The following CILK1 variants were observed in gnomAD, a reference collection of about 807,000 sequenced individuals.
CILK1 encodes the protein ciliogenesis associated kinase 1.
A neutral mutation model predicts 79.2 loss-of-function variants in CILK1; 47 were observed. The observed-to-expected ratio is 0.59, with a 90% CI of 0.47 to 0.76. The LOEUF is 0.76. Among genes scored for constraint, CILK1 ranks in the 30% least tolerant of loss-of-function variants. CILK1 has a pLI of 0.00. For synonymous variants in CILK1, 266 were observed against 275.9 expected (o/e 0.96, Z 0.36); for missense variants, 660 against 769.5 (o/e 0.86, Z 1.68).
intron 1 of CILK1, chr6:53,057,671 G>A (rs1768014500): frequency 6.6e-6 from 1 of 152,100 alleles, no homozygotes. Context: ...TATGTTCAAA[G>A]CCTAATGTTG....
intron 7 of CILK1, among the ~76,000 whole-genome samples, chr6:53,017,679 CA>C (rs1293095509): frequency 1.3e-5 from 2 of 152,140 alleles, no homozygotes; most frequent in Non-Finnish European, 2.9e-5. Flanking sequence ...ACATTAGACA[CA>C]GGGGGGTGAC....
intron 3 of CILK1, among the ~76,000 whole-genome samples, chr6:53,036,509 G>A (rs1024206822): frequency 1.3e-5 from 2 of 152,172 alleles, no homozygotes; most frequent in African/African-American, 2.4e-5. Context: ...TCCACTTCCC[G>A]GGTTCCAGCG....
chr6:53,059,677 G>A (rs1037786390), intron 1 of CILK1, among the ~76,000 whole-genome samples: 1 of 152,182 alleles, frequency 6.6e-6, no homozygotes, highest in Non-Finnish European at 1.5e-5. Flanking sequence ...AATGAAAAGA[G>A]GATTTTAGAT....
intron 12 of CILK1, 71 bp from the exon 13 acceptor site, chr6:53,006,508 A>G: frequency 6.6e-7 from 1 of 1,520,684 alleles, no homozygotes; most frequent in South Asian, 1.1e-5. Context: ...GTTAAATGAC[A>G]GCACTGCAGA....
At chr6:53,036,995 AGACT>A (rs1174275684) in intron 3 of CILK1, among the ~76,000 whole-genome samples, 2 of 152,228 alleles carry the variant, frequency 1.3e-5, no homozygotes, top group African/African-American at 2.4e-5. Flanking sequence ...GAAGCATAAA[AGACT>A]GACTATCTGG....
rs550651378 is a variant in CILK1 at position 53,021,796 on chromosome 6, T to TAA, written c.359-2439_359-2438dup. 4.4e-4 allele frequency among the ~76,000 whole-genome samples: 60 copies of TAA among 136,362 alleles called. 1 individual carries two copies. The highest frequency in any genetic ancestry group is 9.3e-4 in the African/African-American group (35 of 37,606). The allele number at this position is 136,362 out of a possible 152,430, so 89.5% of individuals were successfully genotyped here. ...TTAGAATTGTACTCCTTCTACTTAC[T>TAA]AAAAAAAAAAAAAAAGTTAACTGTA... On this transcript the variant is annotated intron_variant, in intron 5 of 13. Coordinates refer to ENST00000676107, the MANE Select transcript of CILK1 (RefSeq NM_014920.5).
rs374142645 is a variant in CILK1 at position 53,020,434 on chromosome 6, A to G, written c.359-1075T>C. On this transcript the variant is annotated intron_variant, in intron 5 of 13. Transcript: ENST00000676107. ...CTGCTGATGCTATTATTTGTTACACATTATCATTGCTATCATTACAGGCTG... is the reference window on the plus strand; with the variant it reads ...CTGCTGATGCTATTATTTGTTACACGTTATCATTGCTATCATTACAGGCTG... Among the ~76,000 whole-genome samples the G allele has an allele frequency of 7.2e-5, 11 of 152,346 alleles. No individual in the cohort carries two copies. The East Asian group carries it at 1.7e-3, about 24-fold the overall frequency.
chr6:53,037,944 C>T lies in CILK1; in HGVS notation c.151G>A (p.Val51Ile). The T allele has an allele frequency of 6.4e-7, 1 of 1,568,528 alleles. No individual in the cohort carries two copies. Among genetic ancestry groups the T allele is most frequent in the Non-Finnish European group, 8.8e-7 (1 of 1,138,736 alleles). ...SWEECMNLRE[V>I]KSLKKLNHAN... Reference sequence around the variant, plus strand: ...CTTGGTATATTAATATATACCTTAACCTCCCGAAGGTTCATGCATTCCTCC... The same window carrying T: ...CTTGGTATATTAATATATACCTTAATCTCCCGAAGGTTCATGCATTCCTCC... Residue 51 changes from valine to isoleucine, a missense_variant, in exon 3 of 14, where the codon GTT becomes ATT. Coordinates refer to ENST00000676107, the MANE Select transcript of CILK1 (RefSeq NM_014920.5).
intron 5 of CILK1, 137 bp downstream of exon 5, chr6:53,030,928 T>C: frequency 1.5e-6 from 1 of 678,222 alleles, no homozygotes; most frequent in South Asian, 1.6e-5. Flanking sequence ...TAATATATTT[T>C]AAAATCCATT....
At position 53,009,358 on chromosome 6, in the gene CILK1, G is replaced by A. The variant is rs180846020; in HGVS notation, c.1621+81C>T. The A allele has an allele frequency of 8.1e-4, 1,122 of 1,388,138 alleles. 6 individuals carry two copies. Among genetic ancestry groups the A allele is most frequent in the Non-Finnish European group, 3.7e-4 (360 of 975,252 alleles). The allele number at this position is 1,388,138 out of a possible 1,614,324, so 86.0% of individuals were successfully genotyped here. ...AAAGGCCCCTGTGCTTCCAAAGCCC[G>A]TCCCATGACTCCTTGTGCCCACCTT... On this transcript the variant is annotated intron_variant, in intron 12 of 13. Coordinates refer to ENST00000676107, the MANE Select transcript of CILK1 (RefSeq NM_014920.5).
At chr6:53,009,675 T>C in intron 11 of CILK1, 108 bp from the exon 12 acceptor site, 2 of 963,130 alleles carry the variant, frequency 2.1e-6, no homozygotes, top group Admixed American at 2.1e-5. Context: ...CTCTCTATGA[T>C]ACAATAATCA....
chr6:53,056,660 G>T (rs1197203428), intron 1 of CILK1, among the ~76,000 whole-genome samples: 1 of 152,210 alleles, frequency 6.6e-6, no homozygotes, highest in Admixed American at 6.5e-5. Flanking sequence ...TGTGAGGTCA[G>T]AAACGTTGCA....
chr6:53,014,764 T>C (rs775509471), intron 8 of CILK1, among the ~76,000 whole-genome samples: 30 of 152,252 alleles, frequency 2.0e-4, no homozygotes, highest in Middle Eastern at 3.2e-3. Flanking sequence ...CTTGAAAGCC[T>C]TCTCTGTAGT....
At position 53,053,449 on chromosome 6, in the gene CILK1, G is replaced by A. The variant is rs1435721446; in HGVS notation, c.-173+8147C>T. Among the ~76,000 whole-genome samples, 4 of 152,162 alleles carry A rather than the reference G, an allele frequency of 2.6e-5. No individual in the cohort carries two copies. The East Asian group carries it at 7.7e-4, about 29-fold the overall frequency. ...TAGTATGTGCATAGTACTATTATAA[G>A]TGCTTATGCATATATTAGTACATTT... On this transcript the variant is annotated intron_variant, in intron 1 of 13. Transcript: ENST00000676107.
At chr6:53,045,647 CA>C (rs1005170131) in intron 1 of CILK1, among the ~76,000 whole-genome samples, 20 of 152,186 alleles carry the variant, frequency 1.3e-4, no homozygotes, top group African/African-American at 4.8e-4. Flanking sequence ...GTATTTTTGA[CA>C]ATGATTTTTT....
chr6:53,012,353 G>C (rs1191008310), intron 9 of CILK1, 126 bp from the exon 10 acceptor site: 5 of 807,856 alleles, frequency 6.2e-6, no homozygotes, highest in Non-Finnish European at 1.0e-5. Flanking sequence ...TTGCTTATCT[G>C]AAGGGGCAAC....
intron 1 of CILK1, among the ~76,000 whole-genome samples, chr6:53,045,921 T>C (rs222450): frequency 0.83 from 126,121 of 152,048 alleles, 52,405 homozygotes; most frequent in East Asian, 0.93. Flanking sequence ...GGGAAGTCAA[T>C]TAAAGTTTTG....
rs2127452037 is a variant in CILK1, at chr6:53,041,054, A to G, written c.101+82T>C. 4.3e-6 allele frequency: 4 copies of G among 926,218 alleles called. No individual in the cohort carries two copies. The East Asian group carries it at 9.6e-5, about 22-fold the overall frequency. The allele number at this position is 926,218 out of a possible 1,614,324, so 57.4% of individuals were successfully genotyped here. A position where few individuals can be genotyped will look rare whatever the true frequency, so the allele number is the denominator to read the frequency against. On this transcript the variant is annotated intron_variant, in intron 2 of 13. Coordinates refer to ENST00000676107, the MANE Select transcript of CILK1 (RefSeq NM_014920.5). Reference sequence around the variant, plus strand: ...AGGTTCTTCTCTAGGCATCCTACCCACTCCCCTTTAGAACTGTTACAAAGA... The same window carrying G: ...AGGTTCTTCTCTAGGCATCCTACCCGCTCCCCTTTAGAACTGTTACAAAGA...
At chr6:53,012,360 C>G (rs1764625980) in intron 9 of CILK1, 133 bp from the exon 10 acceptor site, 2 of 775,986 alleles carry the variant, frequency 2.6e-6, no homozygotes, top group Admixed American at 4.0e-5. Context: ...TCTGAAGGGG[C>G]AACTGTAGAA....
Sources: gnomAD v4.1 joint callset for allele counts (sites outside exome capture counted in the v4.1 genomes callset) on GRCh38, gnomAD v4.1.1 for gene constraint, MANE v1.5 for transcripts, NCBI Gene and HGNC (gene_info 2026-07-23, HGNC 2026-07-21) for gene names.